STK32C: variants seen among roughly 807,000 people sequenced by gnomAD.
STK32C encodes the protein serine/threonine-protein kinase 32C.
A neutral mutation model predicts 56.5 loss-of-function variants in STK32C; 31 were observed. That is an observed-to-expected ratio of 0.55 (90% confidence interval 0.41 to 0.74). The LOEUF (loss-of-function observed/expected upper bound fraction) is 0.74. Ranked by LOEUF, STK32C falls within the 30% of genes least tolerant of loss-of-function variation. The pLI, the probability that STK32C is intolerant of heterozygous loss-of-function variation, is 0.00. For synonymous variants in STK32C, 309 were observed against 289.4 expected (o/e 1.07, Z -0.69); for missense variants, 544 against 676.9 (o/e 0.80, Z 2.18).
intron 1 of STK32C, among the ~76,000 whole-genome samples, chr10:132,282,885 C>A (rs2065258639): frequency 6.6e-6 from 1 of 152,254 alleles, no homozygotes; most frequent in Non-Finnish European, 1.5e-5. Context: ...GCTACAGCAA[C>A]TCTGCTGGTC....
At chr10:132,313,717 T>C (rs1283853546) in intron 1 of STK32C, among the ~76,000 whole-genome samples, 2 of 149,526 alleles carry the variant, frequency 1.3e-5, no homozygotes, top group Non-Finnish European at 2.9e-5. Context: ...AAGAATGTGA[T>C]GCTTTAGAAG....
At chr10:132,280,938 C>T (rs1011898501) in intron 1 of STK32C, among the ~76,000 whole-genome samples, 3 of 148,078 alleles carry the variant, frequency 2.0e-5, no homozygotes, top group Admixed American at 1.3e-4. Flanking sequence ...TCCATGATCA[C>T]GCCACTGCAC....
At chr10:132,227,590 GTGA>G (rs1456834382) in intron 3 of STK32C, among the ~76,000 whole-genome samples, 1 of 149,594 alleles carries the variant, frequency 6.7e-6, no homozygotes, top group African/African-American at 2.5e-5. Flanking sequence ...GGTTGCAGTG[GTGA>G]TGGTGGTGGT....
chr10:132,312,378 T>G (rs2066239527), upstream of STK32C, among the ~76,000 whole-genome samples: 1 of 152,104 alleles, frequency 6.6e-6, no homozygotes, highest in South Asian at 2.1e-4. Context: ...ATTTAGACAA[T>G]CAGAAATGAT....
chr10:132,306,476 C>CAGCA (rs1224647459), intron 1 of STK32C, among the ~76,000 whole-genome samples: 1 of 152,258 alleles, frequency 6.6e-6, no homozygotes, highest in African/African-American at 2.4e-5. Flanking sequence ...TCCTTCTAGG[C>CAGCA]AGCACACCAT....
At chr10:132,233,081 G>A (rs2063154659) in intron 2 of STK32C, among the ~76,000 whole-genome samples, 2 of 152,160 alleles carry the variant, frequency 1.3e-5, no homozygotes, top group South Asian at 4.1e-4. Flanking sequence ...AGTAGAGCCT[G>A]GGGACGTGGG....
intron 1 of STK32C, among the ~76,000 whole-genome samples, chr10:132,282,988 T>C (rs952317404): frequency 6.6e-6 from 1 of 152,218 alleles, no homozygotes; most frequent in Non-Finnish European, 1.5e-5. Context: ...AGGCCGAGGC[T>C]GCACCAATCA....
rs554478223 is a variant in STK32C at position 132,301,205 on chromosome 10, A to C, written c.262+6367T>G. Among the ~76,000 whole-genome samples the C allele has an allele frequency of 3.3e-5, 5 of 150,888 alleles. No homozygotes were observed. The South Asian group carries it at 8.3e-4, about 25-fold the overall frequency. ...TCTGAGCTTCCCAACACCAAGTAGA[A>C]GGCCTGGTCCCCCACTAACGTGAAC... On this transcript the variant is annotated intron_variant, in intron 1 of 11. Coordinates refer to ENST00000298630, the MANE Select transcript of STK32C (RefSeq NM_173575.4).
At chr10:132,225,157 AC>A (rs1452421877) in intron 7 of STK32C, 75 bp downstream of exon 7, 103 of 1,252,622 alleles carry the variant, frequency 8.2e-5, no homozygotes, top group Admixed American at 2.7e-4. Flanking sequence ...TGGGGCAGCC[AC>A]CCCCTCCCCA....
chr10:132,225,463 C>T (rs761415323), intron 6 of STK32C, 64 bp downstream of exon 6: 12 of 1,603,708 alleles, frequency 7.5e-6, no homozygotes, highest in South Asian at 3.3e-5. Context: ...GAGAAGCCAC[C>T]GAGGTCTTGT....
chr10:132,293,764 T>A (rs1376890560), intron 1 of STK32C, among the ~76,000 whole-genome samples: 1 of 150,192 alleles, frequency 6.7e-6, no homozygotes, highest in Admixed American at 6.6e-5. Flanking sequence ...AGGTGGGAGG[T>A]CCAGCAGACT....
At chr10:132,249,174 TG>T (rs1029384488) in intron 1 of STK32C, 4 of 82,740 alleles carry the variant, frequency 4.8e-5, no homozygotes, top group Admixed American at 1.8e-4. Flanking sequence ...GGCGGGGCTA[TG>T]GGGGTCAGGG....
intron 1 of STK32C, among the ~76,000 whole-genome samples, chr10:132,275,889 T>C (rs1310855977): frequency 6.6e-6 from 1 of 152,094 alleles, no homozygotes; most frequent in African/African-American, 2.4e-5. Context: ...CAGGCCTGTG[T>C]CGGGCAGGAG....
At chr10:132,221,989 C>CCTGCACACA (rs2062684225) in intron 10 of STK32C, among the ~76,000 whole-genome samples, 1 of 150,628 alleles carries the variant, frequency 6.6e-6, no homozygotes, top group Non-Finnish European at 1.5e-5. Flanking sequence ...CATGGCTGTC[C>CCTGCACACA]CTGCACACAC....
chr10:132,307,986 G>GGGGGCGGGGCA (rs2066134753), upstream of STK32C: 11 of 993,350 alleles, frequency 1.1e-5, no homozygotes, highest in African/African-American at 3.5e-5. The surrounding 1 kb of genome is among the most constrained non-coding windows in gnomAD (Gnocchi z 4.4). Context: ...TGCGAGCGCT[G>GGGGGCGGGGCA]GGGGCGGGGC....
chr10:132,232,205 T>TA (rs1554978598), intron 2 of STK32C, among the ~76,000 whole-genome samples: 4 of 152,066 alleles, frequency 2.6e-5, no homozygotes, highest in African/African-American at 9.7e-5. Flanking sequence ...GTGGGGAGCC[T>TA]GTCCTGCCCC....
At chr10:132,315,565 T>C (rs1324652184) in intron 1 of STK32C, among the ~76,000 whole-genome samples, 1 of 152,208 alleles carries the variant, frequency 6.6e-6, no homozygotes, top group Non-Finnish European at 1.5e-5. Context: ...TCAAACTATA[T>C]AAAGCAAAAC....
chr10:132,223,094 G>C (rs2062742400), intron 8 of STK32C, 108 bp from the exon 9 acceptor site: 1 of 1,391,554 alleles, frequency 7.2e-7, no homozygotes, highest in South Asian at 1.4e-5. Context: ...CCAAGCCTGA[G>C]GTTCAGAATT....
chr10:132,331,933 GCA>G, upstream of STK32C: 1 of 514,808 alleles, frequency 1.9e-6, no homozygotes, highest in Non-Finnish European at 2.9e-6. Context: ...CACCGCAAGC[GCA>G]ACCCCCCGCC....
Sources: gnomAD v4.1 joint callset for allele counts (sites outside exome capture counted in the v4.1 genomes callset) on GRCh38, gnomAD v4.1.1 for gene constraint, Gnocchi (gnomAD v3.1) non-coding constraint, MANE v1.5 for transcripts, NCBI Gene and HGNC (gene_info 2026-07-23, HGNC 2026-07-21) for gene names.